FGF14: variants seen among roughly 807,000 people sequenced by gnomAD.
FGF14 encodes fibroblast growth factor homologous factor 4.
Under a neutral mutation model 25.5 loss-of-function variants are expected in FGF14, and 5 were observed. That is an observed-to-expected ratio of 0.20 (90% CI 0.10 to 0.41). The LOEUF (loss-of-function observed/expected upper bound fraction) is 0.41, where lower values mean the gene tolerates loss of function less well. FGF14 is among the 10% of genes least tolerant of loss of function. The pLI is 1.00. For synonymous variants in FGF14, 138 were observed against 118.3 expected, an observed-to-expected ratio of 1.17 and a Z score of -1.08; for missense variants, 222 against 320.1, an observed-to-expected ratio of 0.69 and a Z score of 2.34.
Position 101,714,594 on chromosome 13 carries a change from T to G in FGF14, c.*8237A>C. 8.6e-7 allele frequency: 1 copy of G among 1,163,898 alleles called. No individual in the cohort carries two copies. The highest frequency in any genetic ancestry group is 1.3e-6 in the Non-Finnish European group (1 of 769,886). The allele number at this position is 1,163,898 out of a possible 1,614,324, so 72.1% of individuals were successfully genotyped here. A position where few individuals can be genotyped will look rare whatever the true frequency, so the allele number is the denominator to read the frequency against. On this transcript the variant is annotated 3_prime_UTR_variant, in exon 5 of 5. Coordinates refer to ENST00000376143, the MANE Select transcript of FGF14 (RefSeq NM_004115.4). Reference sequence around the variant, plus strand: ...TCTAATTGCTCTATGCCACAGTTTGTTATAGAGCCAAGAGACACTCGTCAT... The same window carrying G: ...TCTAATTGCTCTATGCCACAGTTTGGTATAGAGCCAAGAGACACTCGTCAT...
chr13:101,974,234 C>G (rs188271523), intron 1 of FGF14, among the ~76,000 whole-genome samples: 1 of 152,162 alleles, frequency 6.6e-6, no homozygotes, highest in Non-Finnish European at 1.5e-5. Context: ...TAGAACTCAT[C>G]TATGGTTGCT....
At chr13:101,917,159 C>G (rs1229513982), upstream of FGF14, among the ~76,000 whole-genome samples, 1 of 151,620 alleles carries the variant, frequency 6.6e-6, no homozygotes, top group African/African-American at 2.4e-5. Flanking sequence ...TCCAGCTGCC[C>G]GCGGGCCGGT....
At chr13:102,132,095 C>T (rs951349254) in intron 1 of FGF14, among the ~76,000 whole-genome samples, 7 of 152,148 alleles carry the variant, frequency 4.6e-5, no homozygotes, top group African/African-American at 1.7e-4. Context: ...ATTCTCACAA[C>T]ATCCATCAGC....
intron 1 of FGF14, among the ~76,000 whole-genome samples, chr13:102,306,644 AAAT>A (rs1469939791): frequency 6.6e-6 from 1 of 152,192 alleles, no homozygotes; most frequent in Non-Finnish European, 1.5e-5. Flanking sequence ...ATTGCTTAAA[AAAT>A]AATAATCACA....
intron 1 of FGF14, among the ~76,000 whole-genome samples, chr13:102,286,547 T>C (rs767168097): frequency 2.0e-5 from 3 of 152,234 alleles, no homozygotes; most frequent in African/African-American, 4.8e-5. Flanking sequence ...GCTTAACTCA[T>C]AGTGCTCATC....
At chr13:102,068,793 G>T (rs887340871) in intron 1 of FGF14, among the ~76,000 whole-genome samples, 3 of 152,156 alleles carry the variant, frequency 2.0e-5, no homozygotes, top group South Asian at 2.1e-4. Context: ...GAGCCTCCCC[G>T]ACGAGCACCA....
intron 1 of FGF14, among the ~76,000 whole-genome samples, chr13:102,353,208 A>T (rs1341549432): frequency 6.6e-6 from 1 of 152,204 alleles, no homozygotes; most frequent in Non-Finnish European, 1.5e-5. Flanking sequence ...AAGAAAATAC[A>T]GTTTGCTAAT....
intron 1 of FGF14, among the ~76,000 whole-genome samples, chr13:101,956,307 A>C (rs58188968): frequency 0.22 from 34,115 of 152,036 alleles, 4,080 homozygotes; most frequent in Admixed American, 0.34. Flanking sequence ...CTTTACATAA[A>C]ACACACTTGA....
chr13:102,301,171 T>G (rs189161288), intron 1 of FGF14, among the ~76,000 whole-genome samples: 1 of 152,308 alleles, frequency 6.6e-6, no homozygotes, highest in African/African-American at 2.4e-5. Context: ...AATATTTAGT[T>G]TCATCCATCT....
chr13:101,999,213 G>T (rs1313160083), intron 1 of FGF14, among the ~76,000 whole-genome samples: 4 of 152,136 alleles, frequency 2.6e-5, no homozygotes, highest in African/African-American at 4.8e-5. Flanking sequence ...CATCAAAGGT[G>T]ATATAGATTA....
intron 1 of FGF14, among the ~76,000 whole-genome samples, chr13:102,227,915 T>C (rs1293669538): frequency 6.6e-6 from 1 of 152,176 alleles, no homozygotes. Flanking sequence ...TTACATCATA[T>C]ATTGCATGCA....
chr13:102,047,367 T>C (rs1014427877), intron 1 of FGF14, among the ~76,000 whole-genome samples: 2 of 152,172 alleles, frequency 1.3e-5, no homozygotes, highest in African/African-American at 4.8e-5. Flanking sequence ...TGTAATCATT[T>C]CTGCTCTTGA....
intron 1 of FGF14, among the ~76,000 whole-genome samples, chr13:101,877,649 C>T (rs1321943743): frequency 6.6e-6 from 1 of 152,182 alleles, no homozygotes; most frequent in Non-Finnish European, 1.5e-5. Context: ...CTTTAAAAAA[C>T]CAAAACCAAC....
chr13:102,041,595 A>AAAAAAAAAAAG (rs1175485223), intron 1 of FGF14, among the ~76,000 whole-genome samples: 6 of 149,850 alleles, frequency 4.0e-5, no homozygotes, highest in African/African-American at 1.5e-4. Flanking sequence ...AAAAAAAAAA[A>AAAAAAAAAAAG]AGAGAGATTT....
intron 1 of FGF14, among the ~76,000 whole-genome samples, chr13:102,349,882 T>G (rs924565674): frequency 3.3e-5 from 5 of 152,194 alleles, no homozygotes; most frequent in Non-Finnish European, 7.3e-5. Flanking sequence ...AGTAGTCCCA[T>G]GGAAATGATG....
At chr13:101,962,068 A>G (rs1279353661) in intron 1 of FGF14, among the ~76,000 whole-genome samples, 1 of 152,112 alleles carries the variant, frequency 6.6e-6, no homozygotes, top group Non-Finnish European at 1.5e-5. Context: ...CTCCATATGA[A>G]TTTTAAAATA....
At chr13:101,803,867 A>T (rs906383258) in intron 3 of FGF14, among the ~76,000 whole-genome samples, 17 of 152,132 alleles carry the variant, frequency 1.1e-4, no homozygotes, top group African/African-American at 4.1e-4. Context: ...TGGTTATGGA[A>T]CTTCTGAGTA....
chr13:101,752,672 G>T (rs2037366110), intron 3 of FGF14, among the ~76,000 whole-genome samples: 1 of 152,116 alleles, frequency 6.6e-6, no homozygotes, highest in Non-Finnish European at 1.5e-5. Context: ...TGCTTCTAGT[G>T]TTAGATCAGT....
chr13:102,084,831 C>T (rs111419004), intron 1 of FGF14, among the ~76,000 whole-genome samples: 67 of 152,286 alleles, frequency 4.4e-4, no homozygotes, highest in African/African-American at 1.5e-3. Flanking sequence ...AGATGGAGTG[C>T]TTTGTTAAGT....
Sources: allele counts gnomAD v4.1 joint callset (sites outside exome capture counted in the v4.1 genomes callset), GRCh38; gene constraint gnomAD v4.1.1; transcripts MANE v1.5; gene names NCBI Gene and HGNC (gene_info 2026-07-23, HGNC 2026-07-21).